Variants in GANC observed in about 807,000 individuals in gnomAD.
The protein encoded by GANC is neutral alpha-glucosidase C.
In GANC, 117 loss-of-function variants were observed where a neutral mutation model predicts 124.2. The observed-to-expected ratio is 0.94, with a 90% CI of 0.81 to 1.10. GANC has a LOEUF of 1.10. Ranked by LOEUF, GANC falls within the 50% of genes least tolerant of loss-of-function variation. The pLI, the probability that GANC is intolerant of heterozygous loss-of-function variation, is 0.00. For synonymous variants in GANC, 377 were observed against 376.8 expected (o/e 1.00, Z -0.01); for missense variants, 1,140 against 1,095.0 (o/e 1.04, Z -0.58).
intron 1 of GANC, 141 bp downstream of exon 1, chr15:42,274,651 A>T: frequency 1.3e-6 from 1 of 793,324 alleles, no homozygotes; most frequent in Non-Finnish European, 1.9e-6. Flanking sequence ...GTTAGTTGAT[A>T]TTAATAGCCT....
At chr15:42,333,967 A>G (rs1301980298) in intron 15 of GANC, among the ~76,000 whole-genome samples, 2 of 152,194 alleles carry the variant, frequency 1.3e-5, no homozygotes, top group African/African-American at 4.8e-5. Flanking sequence ...GCTTTGCAAC[A>G]AAGTTTCCAA....
At chr15:42,308,141 C>T in intron 7 of GANC, 81 bp from the exon 8 acceptor site, 1 of 826,480 alleles carries the variant, frequency 1.2e-6, no homozygotes. Context: ...GTCTAGTCAT[C>T]TCTCTGCACT....
rs1484566096 is a variant in GANC, at chr15:42,273,565, C to T, written c.-917C>T. ...CTCTCTCAGACAGTCGTCTGTGCGC[C>T]GTGAGACTTTGGACCTACTGCGCAG... On this transcript the variant is annotated 5_prime_UTR_variant, in exon 1 of 24. Coordinates refer to ENST00000318010, the MANE Select transcript of GANC (RefSeq NM_198141.3). 5 of 1,256,210 alleles carry T rather than the reference C, an allele frequency of 4.0e-6. No individual in the cohort carries two copies. The highest frequency in any genetic ancestry group is 2.8e-4 in the Middle Eastern group (1 of 3,594). 77.8% of individuals were successfully genotyped at this position (1,256,210 alleles called of 1,614,324 possible).
At chr15:42,280,856 C>T (rs894126593) in intron 3 of GANC, 14 of 679,662 alleles carry the variant, frequency 2.1e-5, no homozygotes, top group Non-Finnish European at 3.2e-5. Context: ...TGCCATTTCA[C>T]GTTACTGTAG....
At chr15:42,305,946 GA>G (rs2141040457) in intron 6 of GANC, among the ~76,000 whole-genome samples, 2 of 150,784 alleles carry the variant, frequency 1.3e-5, no homozygotes, top group South Asian at 4.2e-4. Context: ...TCTGTTGGGG[GA>G]TGGGGGGCTA....
chr15:42,284,189 A>T (rs192561356), intron 3 of GANC: 783 of 597,208 alleles, frequency 1.3e-3, no homozygotes, highest in Admixed American at 2.9e-3. Context: ...CCTACTTAAC[A>T]CCCACTGCAA....
intron 10 of GANC, 106 bp from the exon 11 acceptor site, chr15:42,321,679 G>A (rs953760562): frequency 1.1e-6 from 1 of 940,780 alleles, no homozygotes; most frequent in Non-Finnish European, 1.6e-6. Flanking sequence ...GTTATTCTAA[G>A]CATAAGCTCA....
chr15:42,281,179 C>G (rs1325976303), intron 3 of GANC: 5 of 688,866 alleles, frequency 7.3e-6, no homozygotes, highest in Non-Finnish European at 1.3e-5. Context: ...ATGCCCTGAT[C>G]TCAGGCAAAT....
chr15:42,338,996 T>C lies in GANC; in HGVS notation c.1843+506T>C, dbSNP rs562921110. The stretch of plus-strand genomic sequence containing the variant: ...CCAATGGACTATCTTCCCTGCATCC[T>C]AAGAATTCTCTGTAGATGAGCGATC... On this transcript the variant is annotated intron_variant, in intron 16 of 23. Coordinates refer to ENST00000318010, the MANE Select transcript of GANC (RefSeq NM_198141.3). Among the ~76,000 whole-genome samples, 9 of 152,320 alleles carry C rather than the reference T, an allele frequency of 5.9e-5. No individual in the cohort carries two copies. The South Asian group carries it at 1.0e-3, about 18-fold the overall frequency.
chr15:42,300,157 G>A (rs62019212), intron 6 of GANC, among the ~76,000 whole-genome samples: 5 of 152,018 alleles, frequency 3.3e-5, no homozygotes, highest in African/African-American at 9.7e-5. Context: ...CAACAGAAAC[G>A]ATCATCAGAG....
In GANC at chr15:42,329,432, A is replaced by G. The variant is rs2052224239; in HGVS notation, c.1627A>G (p.Ile543Val). 9 of 1,610,864 alleles carry G rather than the reference A, an allele frequency of 5.6e-6. No individual in the cohort carries two copies. The highest frequency in any genetic ancestry group is 7.6e-6 in the Non-Finnish European group (9 of 1,179,022). ...GNWEHRELHNIYGFYHQMATA... is the reference protein window; with the variant it reads ...GNWEHRELHNVYGFYHQMATA... ...TTGGGAGCACAGAGAGCTCCACAACATCTACGGTTTTTATCATGTAAGACA... is the reference window on the plus strand; with the variant it reads ...TTGGGAGCACAGAGAGCTCCACAACGTCTACGGTTTTTATCATGTAAGACA... The change falls in exon 14 of 24, where the codon ATC (isoleucine) becomes GTC (valine). Residue 543 changes from isoleucine (I) to valine (V), a missense_variant. Physicochemically the swap from Ile to Val is conservative, Grantham distance 29. Transcript: ENST00000318010.
chr15:42,302,268 T>C (rs1356568893), intron 6 of GANC, among the ~76,000 whole-genome samples: 1 of 152,214 alleles, frequency 6.6e-6, no homozygotes, highest in Non-Finnish European at 1.5e-5. Context: ...GGGGCCTGAC[T>C]GTTAGAACGA....
chr15:42,309,613 C>A (rs1445585496), intron 8 of GANC, among the ~76,000 whole-genome samples: 1 of 151,982 alleles, frequency 6.6e-6, no homozygotes, highest in East Asian at 1.9e-4. Flanking sequence ...CCACCGGCAC[C>A]CAGCCTGGAC....
chr15:42,332,888 C>A (rs1018209752), intron 15 of GANC, among the ~76,000 whole-genome samples: 1 of 149,702 alleles, frequency 6.7e-6, no homozygotes, highest in East Asian at 1.9e-4. Context: ...CGTGGTAGCG[C>A]GCACCTGTAA....
intron 10 of GANC, among the ~76,000 whole-genome samples, chr15:42,316,944 A>G (rs2052111210): frequency 6.6e-6 from 1 of 152,062 alleles, no homozygotes; most frequent in African/African-American, 2.4e-5. Context: ...AGGTTATATT[A>G]GTAATGCAAC....
chr15:42,347,149 A>G (rs1293089536), intron 20 of GANC, among the ~76,000 whole-genome samples: 1 of 145,194 alleles, frequency 6.9e-6, no homozygotes, highest in Non-Finnish European at 1.5e-5. Context: ...AACCCATTTC[A>G]CTCTAACTTA....
chr15:42,289,407 TAGA>T (rs1422587059), intron 4 of GANC, among the ~76,000 whole-genome samples: 1 of 152,166 alleles, frequency 6.6e-6, no homozygotes, highest in East Asian at 1.9e-4. Context: ...CTAGCTAAGA[TAGA>T]AGGTCAGTTG....
intron 16 of GANC, among the ~76,000 whole-genome samples, 194 bp from the exon 17 acceptor site, chr15:42,339,475 G>A (rs16973091): frequency 0.097 from 14,754 of 152,076 alleles, 838 homozygotes; most frequent in South Asian, 0.19. Flanking sequence ...AATATTCTAA[G>A]AGCCCATTGT....
At chr15:42,331,158 T>C (rs1478553656) in intron 15 of GANC, among the ~76,000 whole-genome samples, 1 of 152,212 alleles carries the variant, frequency 6.6e-6, no homozygotes, top group Non-Finnish European at 1.5e-5. Flanking sequence ...TGGTATGCCC[T>C]AAAGTGTGGA....
Sources: gnomAD v4.1 joint callset for allele counts (sites outside exome capture counted in the v4.1 genomes callset) on GRCh38, gnomAD v4.1.1 for gene constraint, MANE v1.5 for transcripts, NCBI Gene and HGNC (gene_info 2026-07-23, HGNC 2026-07-21) for gene names.